The following BMPR1B variants were observed in gnomAD, a reference collection of about 807,000 sequenced individuals.
BMPR1B encodes bone morphogenetic protein receptor type 1B, also known as bone morphogenetic protein receptor type-1B.
Under a neutral mutation model 59.1 loss-of-function variants are expected in BMPR1B, and 12 were observed. The ratio of observed to expected loss-of-function variants is 0.20; its 90% confidence interval spans 0.13 to 0.33. BMPR1B has a LOEUF of 0.33. Among genes scored for constraint, BMPR1B ranks in the 10% least tolerant of loss-of-function variants. BMPR1B has a pLI of 1.00. For missense variants in BMPR1B, 550 were observed against 610.9 expected, an observed-to-expected ratio of 0.90 and a Z score of 1.05; for synonymous variants, 237 against 207.3, an observed-to-expected ratio of 1.14 and a Z score of -1.23.
rs1735465540 is a variant in BMPR1B, at chr4:95,156,881, C to T, written c.*2208C>T. On this transcript the variant is annotated 3_prime_UTR_variant, in exon 13 of 13. Transcript: ENST00000515059. ...GAAGAGAAACTTCAGTGCCTCTAAA[C>T]AGATCATCTACAAAACAACAGGTAA... The T allele has an allele frequency of 6.6e-6, 1 of 152,150 alleles. No individual in the cohort carries two copies. Among genetic ancestry groups the T allele is most frequent in the African/African-American group, 2.4e-5 (1 of 41,446 alleles). The allele number at this position is 152,150 out of a possible 1,614,324, so 9.4% of individuals were successfully genotyped here.
intron 1 of BMPR1B, among the ~76,000 whole-genome samples, chr4:94,863,425 T>C (rs1192351552): frequency 6.6e-6 from 1 of 152,174 alleles, no homozygotes; most frequent in Non-Finnish European, 1.5e-5. Context: ...TCGAGGGTAG[T>C]CACCACCAGA....
chr4:95,126,486 G>C (rs1479110402), intron 8 of BMPR1B, among the ~76,000 whole-genome samples: 2 of 152,110 alleles, frequency 1.3e-5, no homozygotes, highest in Admixed American at 1.3e-4. Flanking sequence ...TTCTCATTTA[G>C]TCCTCATAGC....
intron 2 of BMPR1B, among the ~76,000 whole-genome samples, chr4:94,970,289 CT>C: frequency 9.2e-6 from 1 of 108,466 alleles, no homozygotes; most frequent in Non-Finnish European, 2.0e-5. Flanking sequence ...CTCTTCTCTT[CT>C]CTTCTCTTCT....
intron 1 of BMPR1B, among the ~76,000 whole-genome samples, chr4:94,759,763 G>C (rs762030130): frequency 2.2e-4 from 34 of 152,324 alleles, no homozygotes; most frequent in Non-Finnish European, 5.9e-5. Flanking sequence ...AGGATGTTTT[G>C]AAGGATGTTA....
intron 2 of BMPR1B, among the ~76,000 whole-genome samples, chr4:94,965,914 A>C (rs1379042763): frequency 1.3e-5 from 2 of 152,182 alleles, no homozygotes; most frequent in Non-Finnish European, 2.9e-5. Flanking sequence ...TGGAATTGGA[A>C]AAGACAAGGA....
At chr4:95,051,815 A>C (rs1020064423) in intron 3 of BMPR1B, 10 of 1,517,342 alleles carry the variant, frequency 6.6e-6, no homozygotes, top group Non-Finnish European at 8.8e-6. Flanking sequence ...GATGGGGCTG[A>C]GTTAGAGTCT....
intron 7 of BMPR1B, among the ~76,000 whole-genome samples, chr4:95,124,461 G>T (rs1732759951): frequency 6.6e-6 from 1 of 151,792 alleles, no homozygotes; most frequent in African/African-American, 2.4e-5. Flanking sequence ...GAGATACTCT[G>T]CAAATGGTCA....
At chr4:94,830,054 G>A (rs1234604252) in intron 1 of BMPR1B, among the ~76,000 whole-genome samples, 3 of 152,004 alleles carry the variant, frequency 2.0e-5, no homozygotes, top group Non-Finnish European at 4.4e-5. Context: ...ATGACATGGA[G>A]TTTTCATGAT....
At chr4:94,803,102 T>C (rs1047793679) in intron 1 of BMPR1B, among the ~76,000 whole-genome samples, 1 of 152,148 alleles carries the variant, frequency 6.6e-6, no homozygotes, top group East Asian at 1.9e-4. Flanking sequence ...ATTTCTCTCA[T>C]TGAGTACCCC....
chr4:95,021,111 T>G (rs1723950838), intron 3 of BMPR1B, among the ~76,000 whole-genome samples: 1 of 152,044 alleles, frequency 6.6e-6, no homozygotes, highest in Non-Finnish European at 1.5e-5. Flanking sequence ...AAGTATGGAG[T>G]TGTATGGGAT....
At chr4:94,959,515 A>G (rs1157054773) in intron 2 of BMPR1B, among the ~76,000 whole-genome samples, 1 of 152,132 alleles carries the variant, frequency 6.6e-6, no homozygotes, top group Non-Finnish European at 1.5e-5. Context: ...GTTGAATATT[A>G]CTTTGGGTTT....
intron 3 of BMPR1B, among the ~76,000 whole-genome samples, chr4:95,012,052 G>A (rs1029296283): frequency 1.3e-5 from 2 of 151,008 alleles, no homozygotes; most frequent in Admixed American, 6.6e-5. Flanking sequence ...AAAAAAAAAA[G>A]AAAGAAAAAG....
At chr4:94,889,255 C>A (rs149818910) in intron 2 of BMPR1B, among the ~76,000 whole-genome samples, 8 of 151,878 alleles carry the variant, frequency 5.3e-5, no homozygotes, top group Non-Finnish European at 8.8e-5. Flanking sequence ...ATATTTTTAT[C>A]GTAATTTGCC....
intron 10 of BMPR1B, among the ~76,000 whole-genome samples, chr4:95,146,525 T>A (rs1734657788): frequency 6.6e-6 from 1 of 152,204 alleles, no homozygotes; most frequent in African/African-American, 2.4e-5. Context: ...TTGCCTAAAA[T>A]CTTTATCAAC....
intron 2 of BMPR1B, among the ~76,000 whole-genome samples, chr4:94,938,194 G>A (rs1451973082): frequency 1.3e-5 from 2 of 152,098 alleles, no homozygotes; most frequent in African/African-American, 4.8e-5. Flanking sequence ...CCTCTTATGT[G>A]TGTTTTGTAT....
At position 94,840,381 on chromosome 4, in the gene BMPR1B, C is replaced by T. The variant is rs559945262; in HGVS notation, c.-182-35450C>T. Among the ~76,000 whole-genome samples the T allele has an allele frequency of 1.0e-3, 154 of 148,316 alleles. 9 individuals carry two copies. The highest frequency in any genetic ancestry group is 2.5e-3 in the African/African-American group (100 of 40,184). ...TTTTTCAACTTGGTTCCATTCTCCG[C>T]GTCACTTTCAGGTACACCAATCAGA... is the stretch of plus-strand genomic sequence containing the variant. On this transcript the variant is annotated intron_variant, in intron 1 of 12. Transcript: ENST00000515059.
chr4:94,799,938 C>T (rs1723344250), intron 1 of BMPR1B, among the ~76,000 whole-genome samples: 1 of 151,244 alleles, frequency 6.6e-6, no homozygotes, highest in African/African-American at 2.4e-5. Context: ...TGATAACTTG[C>T]CGCAGCCTCC....
intron 1 of BMPR1B, among the ~76,000 whole-genome samples, chr4:94,779,499 A>G (rs981783932): frequency 6.6e-6 from 1 of 152,198 alleles, no homozygotes; most frequent in Admixed American, 6.5e-5. Context: ...ATTAAGAATG[A>G]TAACTGATCT....
Position 94,954,620 on chromosome 4 carries a change from G to A in BMPR1B, c.-112-41420G>A, listed in dbSNP as rs374017206. On this transcript the variant is annotated intron_variant, in intron 2 of 12. Coordinates refer to ENST00000515059, the MANE Select transcript of BMPR1B (RefSeq NM_001203.3). Reference sequence around the variant, plus strand: ...TGGGACTTGAGAGCCTGCGGTCCTGGTTTTATAACTCAGTCTTTCTATTTA... The same window carrying A: ...TGGGACTTGAGAGCCTGCGGTCCTGATTTTATAACTCAGTCTTTCTATTTA... Among the ~76,000 whole-genome samples, 8 of 152,288 alleles carry A rather than the reference G, an allele frequency of 5.3e-5. No individual in the cohort carries two copies. The East Asian group carries it at 1.5e-3, about 29-fold the overall frequency.
Sources: allele counts gnomAD v4.1 joint callset (sites outside exome capture counted in the v4.1 genomes callset), GRCh38; gene constraint gnomAD v4.1.1; transcripts MANE v1.5; gene names NCBI Gene and HGNC (gene_info 2026-07-23, HGNC 2026-07-21).